Variants in MAML2 observed in about 807,000 individuals in gnomAD.
MAML2 encodes the protein mastermind like transcriptional coactivator 2, also known as mastermind-like protein 2.
In MAML2, 22 loss-of-function variants were observed where a neutral mutation model predicts 96.1. The observed-to-expected ratio is 0.23, with a 90% confidence interval of 0.16 to 0.33. The LOEUF (loss-of-function observed/expected upper bound fraction) is 0.33, where lower values mean the gene tolerates loss of function less well. MAML2 is among the 10% of genes least tolerant of loss of function. The probability of loss-of-function intolerance (pLI) is 1.00; values close to 1 mark genes in which losing one functional copy is unlikely to be tolerated. For synonymous variants in MAML2, 561 were observed against 521.3 expected, an observed-to-expected ratio of 1.08 and a Z score of -1.04; for missense variants, 1,367 against 1,392.4, an observed-to-expected ratio of 0.98 and a Z score of 0.29.
intron 1 of MAML2, among the ~76,000 whole-genome samples, chr11:96,309,917 G>A (rs184801788): frequency 4.6e-5 from 7 of 151,908 alleles, no homozygotes; most frequent in Admixed American, 2.0e-4. Context: ...TGACTAGGCC[G>A]GTCTTAAACT....
chr11:96,252,964 G>A lies in MAML2; in HGVS notation c.513+88419C>T, dbSNP rs1565263333. Among the ~76,000 whole-genome samples, 3 of 152,166 alleles carry A rather than the reference G, an allele frequency of 2.0e-5. No individual in the cohort carries two copies. The East Asian group carries it at 5.8e-4, about 29-fold the overall frequency. ...TCAGGGTGCTGACATGAAAGTGTGG[G>A]TTCTCACAAAACAGCCTCCCACTAT... On this transcript the variant is annotated intron_variant, in intron 1 of 4. Transcript: ENST00000524717.
intron 1 of MAML2, among the ~76,000 whole-genome samples, chr11:96,149,648 C>A (rs1278977961): frequency 1.3e-5 from 2 of 151,556 alleles, no homozygotes; most frequent in African/African-American, 4.9e-5. Context: ...AGGAGAATTG[C>A]TTTTGAACCC....
intron 1 of MAML2, among the ~76,000 whole-genome samples, chr11:96,209,993 G>A (rs1861947020): frequency 6.6e-6 from 1 of 152,180 alleles, no homozygotes; most frequent in South Asian, 2.1e-4. Flanking sequence ...TGAAGTGGTG[G>A]ATTTAGACAA....
At chr11:96,119,343 T>G (rs188181160) in intron 1 of MAML2, among the ~76,000 whole-genome samples, 1 of 152,252 alleles carries the variant, frequency 6.6e-6, no homozygotes, top group African/African-American at 2.4e-5. Context: ...CCAATGAGAT[T>G]TGAAGATGCT....
chr11:96,083,034 A>C (rs1017248753), intron 2 of MAML2, among the ~76,000 whole-genome samples: 3 of 152,334 alleles, frequency 2.0e-5, no homozygotes, highest in Admixed American at 1.3e-4. Context: ...GATGGAATAC[A>C]TCTCCTGGAG....
intron 4 of MAML2, among the ~76,000 whole-genome samples, chr11:95,980,678 G>T (rs1857723441): frequency 6.6e-6 from 1 of 152,160 alleles, no homozygotes; most frequent in Non-Finnish European, 1.5e-5. Flanking sequence ...CAAGGTTCAG[G>T]CTAAGGCCGA....
intron 1 of MAML2, among the ~76,000 whole-genome samples, chr11:96,160,442 T>C (rs1356975540): frequency 6.6e-6 from 1 of 151,730 alleles, no homozygotes; most frequent in Non-Finnish European, 1.5e-5. Flanking sequence ...TTTTTTTTTT[T>C]TTGGAGACAG....
intron 2 of MAML2, among the ~76,000 whole-genome samples, chr11:96,077,219 C>CTTTTT (rs371672772): frequency 0.16 from 15,025 of 93,952 alleles, 1,938 homozygotes; most frequent in Non-Finnish European, 0.2. Flanking sequence ...CTCTCTCTCT[C>CTTTTT]TTTTTTTTTT....
chr11:96,312,230 A>AAAAAAAAG (rs1415701164), intron 1 of MAML2, among the ~76,000 whole-genome samples: 3 of 150,096 alleles, frequency 2.0e-5, no homozygotes, highest in Admixed American at 6.7e-5. Context: ...AAAAAAAAAA[A>AAAAAAAAG]AAAAAAAAAA....
chr11:96,018,434 G>A (rs1437336789), intron 2 of MAML2, among the ~76,000 whole-genome samples: 1 of 152,148 alleles, frequency 6.6e-6, no homozygotes, highest in African/African-American at 2.4e-5. Flanking sequence ...ATCACCTAGG[G>A]AGTGAGTATA....
intron 1 of MAML2, among the ~76,000 whole-genome samples, chr11:96,226,175 T>A (rs954830335): frequency 2.0e-5 from 3 of 152,226 alleles, no homozygotes; most frequent in African/African-American, 7.2e-5. Flanking sequence ...GGAGGCTTTA[T>A]TGCCTAAAAA....
intron 1 of MAML2, among the ~76,000 whole-genome samples, chr11:96,141,338 C>T (rs1397786685): frequency 1.3e-5 from 2 of 151,906 alleles, no homozygotes; most frequent in African/African-American, 2.4e-5. Flanking sequence ...TGTATTTTAC[C>T]TGGAAACCCT....
At chr11:96,323,967 CAA>C (rs1196704143) in intron 1 of MAML2, among the ~76,000 whole-genome samples, 1 of 152,246 alleles carries the variant, frequency 6.6e-6, no homozygotes, top group Admixed American at 6.5e-5. Flanking sequence ...GCAACAGTCT[CAA>C]AGAGTAATCT....
chr11:96,043,941 A>C (rs1858856296), intron 2 of MAML2, among the ~76,000 whole-genome samples: 1 of 152,256 alleles, frequency 6.6e-6, no homozygotes, highest in Non-Finnish European at 1.5e-5. Flanking sequence ...AATGGACTTA[A>C]AATAAGTAGA....
chr11:96,317,534 C>A (rs978701391), intron 1 of MAML2, among the ~76,000 whole-genome samples: 1 of 152,144 alleles, frequency 6.6e-6, no homozygotes, highest in East Asian at 1.9e-4. Flanking sequence ...CAAAACATAC[C>A]AACCTACTGA....
chr11:96,196,953 T>C lies in MAML2; in HGVS notation c.514-103436A>G, dbSNP rs560656525. Among the ~76,000 whole-genome samples the C allele has an allele frequency of 4.7e-5, 7 of 150,400 alleles. No individual in the cohort carries two copies. The East Asian group carries it at 1.4e-3, about 30-fold the overall frequency. On this transcript the variant is annotated intron_variant, in intron 1 of 4. Coordinates refer to ENST00000524717, the MANE Select transcript of MAML2 (RefSeq NM_032427.4). ...AAATCACGTGTTATTATTGTGGTCCTTATATTTGAGGCCTTTTCTATAAAT... is the reference window on the plus strand; with the variant it reads ...AAATCACGTGTTATTATTGTGGTCCCTATATTTGAGGCCTTTTCTATAAAT...
intron 1 of MAML2, among the ~76,000 whole-genome samples, chr11:96,123,914 A>G (rs1446095905): frequency 2.0e-5 from 3 of 152,008 alleles, no homozygotes; most frequent in Non-Finnish European, 4.4e-5. Flanking sequence ...TACTAATAAT[A>G]CAAAAATTAG....
chr11:96,223,846 G>A (rs1862175513), intron 1 of MAML2, among the ~76,000 whole-genome samples: 1 of 152,124 alleles, frequency 6.6e-6, no homozygotes, highest in African/African-American at 2.4e-5. Flanking sequence ...GCTATGGAAT[G>A]TACTCTCTCA....
rs181741464 is a variant in MAML2, at chr11:96,289,351, C to A, written c.513+52032G>T. On this transcript the variant is annotated intron_variant, in intron 1 of 4. Transcript: ENST00000524717. ...GGATTACAAATTTAACTACAATAGG[C>A]AGACTCTTATTGTCAAGGAACAGAT... Among the ~76,000 whole-genome samples the A allele has an allele frequency of 7.4e-4, 112 of 152,268 alleles. 1 individual carries two copies. In the East Asian group the frequency reaches 0.018, roughly 24 times the overall value.
Sources: allele counts gnomAD v4.1 joint callset (sites outside exome capture counted in the v4.1 genomes callset), GRCh38; gene constraint gnomAD v4.1.1; transcripts MANE v1.5; gene names NCBI Gene and HGNC (gene_info 2026-07-23, HGNC 2026-07-21).